ZNF469: variants seen among roughly 807,000 people sequenced by gnomAD.
The protein encoded by ZNF469 is zinc finger protein 469.
A neutral mutation model predicts 1.0 loss-of-function variants in ZNF469; 1 was observed. The ratio of observed to expected loss-of-function variants is 1.00; its 90% confidence interval spans 0.35 to 4.73. The LOEUF is 4.73. Ranked by LOEUF, ZNF469 falls within the 30% of genes most tolerant of loss-of-function variation. ZNF469 has a pLI of 0.16. For synonymous variants in ZNF469, 2,703 were observed against 2,363.4 expected, an observed-to-expected ratio of 1.14 and a Z score of -4.17; for missense variants, 6,100 against 5,356.3, an observed-to-expected ratio of 1.14 and a Z score of -4.33.
At position 88,429,740 on chromosome 16, in the gene ZNF469, T is replaced by G. The variant is rs753664726; in HGVS notation, c.2270T>G (p.Leu757Arg). 2,580 of 1,544,782 alleles carry G rather than the reference T, an allele frequency of 1.7e-3. 2 individuals carry two copies. Among genetic ancestry groups the G allele is most frequent in the Non-Finnish European group, 1.8e-3 (2,111 of 1,144,580 alleles). ...LAHRQFCGLL[L>R]ARAKDGHQRS... ...CACCGGCAGTTCTGTGGCCTGCTCC[T>G]GGCCAGGGCCAAGGATGGCCACCAG... Residue 757 changes from leucine to arginine, a missense_variant, in exon 3 of 3, where the codon CTG becomes CGG. Physicochemically the swap from Leu to Arg is moderately radical, Grantham distance 102 (BLOSUM62 -2). Coordinates refer to ENST00000565624, the MANE Select transcript of ZNF469 (RefSeq NM_001367624.2).
At chr16:88,108,935 C>T in the ZNF469 span, among the ~76,000 whole-genome samples, 2 of 152,204 alleles carry the variant, frequency 1.3e-5, no homozygotes, top group South Asian at 4.1e-4. Flanking sequence ...ACGGCAGCCT[C>T]ATGAGTGAGC....
the ZNF469 span, among the ~76,000 whole-genome samples, chr16:88,275,619 T>A: frequency 6.6e-6 from 1 of 151,820 alleles, no homozygotes; most frequent in Admixed American, 6.6e-5. Context: ...ATGACTAGAG[T>A]GGGTACACTG....
chr16:88,428,144 C>G lies in ZNF469; in HGVS notation c.674C>G (p.Pro225Arg). ...GTSPLQPGSY[P>R]EYQASGADSW... ...AGCCCCCTCCAGCCCGGTTCCTATC[C>G]CGAATACCAGGCCAGTGGGGCCGAC... The change falls in exon 3 of 3, where the codon CCC (proline) becomes CGC (arginine). Residue 225 changes from proline to arginine, a missense_variant. Pro to Arg is a moderately radical substitution (Grantham distance 103, BLOSUM62 -2). Coordinates refer to ENST00000565624, the MANE Select transcript of ZNF469 (RefSeq NM_001367624.2). 6.5e-7 allele frequency: 1 copy of G among 1,550,208 alleles called. No individual in the cohort carries two copies. The highest frequency in any genetic ancestry group is 8.7e-7 in the Non-Finnish European group (1 of 1,146,916).
intron 1 of ZNF469, among the ~76,000 whole-genome samples, chr16:88,405,971 G>C (rs1470852617): frequency 6.6e-6 from 1 of 152,248 alleles, no homozygotes; most frequent in African/African-American, 2.4e-5. Flanking sequence ...GAGCGCTAAC[G>C]TGGCTGAATT....
Position 88,431,428 on chromosome 16 carries a change from C to A in ZNF469, c.3958C>A (p.Pro1320Thr), listed in dbSNP as rs776071197. ...AGTCTCCCACAACAGCAAGGACCCCCCTGCCCGCCAGCCTGGAGAATTTCT... is the reference window on the plus strand; with the variant it reads ...AGTCTCCCACAACAGCAAGGACCCCACTGCCCGCCAGCCTGGAGAATTTCT... ...APVSHNSKDPPARQPGEFLAP... is the reference protein window; with the variant it reads ...APVSHNSKDPTARQPGEFLAP... The change falls in exon 3 of 3, where the codon CCT (proline) becomes ACT (threonine). Residue 1320 changes from proline to threonine, a missense_variant. Transcript: ENST00000565624. 12 of 1,550,374 alleles carry A rather than the reference C, an allele frequency of 7.7e-6. No homozygotes were observed. The highest frequency in any genetic ancestry group is 1.7e-4 in the Middle Eastern group (1 of 5,992).
chr16:88,235,854 T>A, the ZNF469 span, among the ~76,000 whole-genome samples: 1 of 152,170 alleles, frequency 6.6e-6, no homozygotes, highest in Non-Finnish European at 1.5e-5. Flanking sequence ...GCTCATACAC[T>A]ATGGGGACAG....
the ZNF469 span, among the ~76,000 whole-genome samples, chr16:88,167,104 C>CAGG: frequency 6.8e-6 from 1 of 146,982 alleles, no homozygotes; most frequent in East Asian, 2.0e-4. Flanking sequence ...ATCTGTCCTC[C>CAGG]AGGCTGGAGT....
At chr16:88,257,979 G>A in the ZNF469 span, among the ~76,000 whole-genome samples, 1 of 152,190 alleles carries the variant, frequency 6.6e-6, no homozygotes, top group Non-Finnish European at 1.5e-5. Flanking sequence ...CCTCTGACCC[G>A]TGTGCCCACA....
chr16:88,244,618 T>G, the ZNF469 span, among the ~76,000 whole-genome samples: 1 of 151,136 alleles, frequency 6.6e-6, no homozygotes, highest in Admixed American at 6.6e-5. Context: ...GGCAGATGGA[T>G]GTATAAGTGA....
chr16:88,296,465 C>A, the ZNF469 span, among the ~76,000 whole-genome samples: 6 of 142,754 alleles, frequency 4.2e-5, no homozygotes, highest in Non-Finnish European at 7.5e-5. Context: ...CTCCCCCCCA[C>A]ACACAGTGCA....
chr16:88,325,790 C>A, the ZNF469 span, among the ~76,000 whole-genome samples: 5 of 152,220 alleles, frequency 3.3e-5, no homozygotes, highest in Admixed American at 2.0e-4. Context: ...TCCTTCCTTC[C>A]CCTCTTTCTC....
chr16:88,438,341 G>T lies in ZNF469; in HGVS notation c.10871G>T (p.Arg3624Leu). The change falls in exon 3 of 3, where the codon CGC becomes CTC. Residue 3624 changes from arginine to leucine, a missense_variant. Transcript: ENST00000565624. ...KRAPLVFSGK[R>L]RAPGARGRCA... ...GCTCCTCTCGTGTTCTCAGGGAAACGCAGGGCCCCGGGTGCCCGTGGCAGG... is the reference window on the plus strand; with the variant it reads ...GCTCCTCTCGTGTTCTCAGGGAAACTCAGGGCCCCGGGTGCCCGTGGCAGG... 1.3e-6 allele frequency: 2 copies of T among 1,550,248 alleles called. No homozygotes were observed. Among genetic ancestry groups the T allele is most frequent in the Non-Finnish European group, 1.7e-6 (2 of 1,146,956 alleles).
chr16:88,179,294 C>T, the ZNF469 span, among the ~76,000 whole-genome samples: 43 of 152,334 alleles, frequency 2.8e-4, no homozygotes, highest in African/African-American at 7.9e-4. Context: ...CAGTCATGAA[C>T]GAGCCCTTGC....
the ZNF469 span, among the ~76,000 whole-genome samples, chr16:88,101,524 T>G: frequency 1.1e-4 from 16 of 149,038 alleles, no homozygotes; most frequent in African/African-American, 3.9e-4. Flanking sequence ...AACATGTTGT[T>G]AAACGTGCAT....
At chr16:88,229,480 T>C in the ZNF469 span, among the ~76,000 whole-genome samples, 1 of 152,186 alleles carries the variant, frequency 6.6e-6, no homozygotes, top group South Asian at 2.1e-4. Flanking sequence ...GGTCATTACG[T>C]GCGGTGCTTG....
At chr16:88,341,688 G>T in the ZNF469 span, among the ~76,000 whole-genome samples, 1 of 152,196 alleles carries the variant, frequency 6.6e-6, no homozygotes, top group Non-Finnish European at 1.5e-5. Context: ...CATCTGCGGG[G>T]GCATGGATGC....
the ZNF469 span, among the ~76,000 whole-genome samples, chr16:88,129,812 C>A: frequency 6.6e-6 from 1 of 152,334 alleles, no homozygotes; most frequent in Non-Finnish European, 1.5e-5. Flanking sequence ...GAGCCAAGAT[C>A]GTGCCATTGC....
At chr16:88,345,593 A>C in the ZNF469 span, among the ~76,000 whole-genome samples, 1 of 152,044 alleles carries the variant, frequency 6.6e-6, no homozygotes, top group Non-Finnish European at 1.5e-5. Flanking sequence ...GGCAGAACCC[A>C]CACCTGGGCA....
intron 1 of ZNF469, among the ~76,000 whole-genome samples, chr16:88,397,305 C>T (rs545456644): frequency 3.0e-4 from 45 of 152,320 alleles, no homozygotes; most frequent in African/African-American, 1.1e-3. Flanking sequence ...TGAGACTGGG[C>T]CATGCACTCA....
Sources: gnomAD v4.1 joint callset for allele counts (sites outside exome capture counted in the v4.1 genomes callset) on GRCh38, gnomAD v4.1.1 for gene constraint, MANE v1.5 for transcripts, NCBI Gene and HGNC (gene_info 2026-07-23, HGNC 2026-07-21) for gene names.